The following GCNT1 variants were observed in gnomAD, a reference collection of about 807,000 sequenced individuals.
The protein encoded by GCNT1 is glucosaminyl (N-acetyl) transferase 1, also known as beta-1,3-galactosyl-O-glycosyl-glycoprotein beta-1,6-N-acetylglucosaminyltransferase.
In GCNT1, 16 loss-of-function variants were observed where a neutral mutation model predicts 26.2. The ratio of observed to expected loss-of-function variants is 0.61; its 90% CI spans 0.41 to 0.93. The LOEUF (loss-of-function observed/expected upper bound fraction) is 0.93. Ranked by LOEUF, GCNT1 falls within the 40% of genes least tolerant of loss-of-function variation. GCNT1 has a pLI of 0.00. For missense variants in GCNT1, 477 were observed against 526.7 expected (o/e 0.91, Z 0.92); for synonymous variants, 183 against 190.8 (o/e 0.96, Z 0.34).
At chr9:76,456,884 G>A (rs148373782), upstream of GCNT1, among the ~76,000 whole-genome samples, 403 of 152,306 alleles carry the variant, frequency 2.6e-3, 1 homozygote, top group African/African-American at 9.3e-3. Flanking sequence ...TGAGGTGAGA[G>A]AATCACCTGA....
intron 1 of GCNT1, among the ~76,000 whole-genome samples, chr9:76,451,679 A>G: frequency 6.6e-6 from 1 of 152,206 alleles, no homozygotes; most frequent in East Asian, 1.9e-4. Context: ...GAAAAAGCCC[A>G]ACTCTGCTGA....
chr9:76,394,896 T>G, the GCNT1 span, among the ~76,000 whole-genome samples: 1 of 152,208 alleles, frequency 6.6e-6, no homozygotes, highest in Non-Finnish European at 1.5e-5. Context: ...AGATCGCCTC[T>G]TCACAGAGGC....
At chr9:76,429,404 G>T (rs185286009) in intron 1 of GCNT1, among the ~76,000 whole-genome samples, 96 of 152,272 alleles carry the variant, frequency 6.3e-4, no homozygotes, top group Admixed American at 1.5e-3. Context: ...CAAAGTGGTT[G>T]TATCAATTTA....
chr9:76,463,291 T>C (rs1176884676), intron 2 of GCNT1, among the ~76,000 whole-genome samples: 2 of 152,172 alleles, frequency 1.3e-5, no homozygotes, highest in East Asian at 3.8e-4. Flanking sequence ...AATTAAGAAT[T>C]TGAACATGGT....
chr9:76,444,416 G>C (rs1823539901), intron 1 of GCNT1, among the ~76,000 whole-genome samples: 1 of 152,160 alleles, frequency 6.6e-6, no homozygotes, highest in South Asian at 2.1e-4. Flanking sequence ...GAGGCCTGGG[G>C]GAAGAGGAGG....
chr9:76,410,235 C>A, the GCNT1 span, among the ~76,000 whole-genome samples: 5 of 151,968 alleles, frequency 3.3e-5, no homozygotes, highest in Non-Finnish European at 5.9e-5. Flanking sequence ...AGTTGGAGAC[C>A]AGCCTGACCG....
At chr9:76,393,960 G>C in the GCNT1 span, 2 of 780,740 alleles carry the variant, frequency 2.6e-6, no homozygotes, top group African/African-American at 3.6e-5. Context: ...AAGGGGATGC[G>C]GGAGGAGGAA....
the GCNT1 span, chr9:76,398,899 C>G: frequency 6.5e-7 from 1 of 1,542,856 alleles, no homozygotes; most frequent in East Asian, 2.2e-5. Context: ...CTATTGTTGC[C>G]ATTGAAAACC....
intron 1 of GCNT1, among the ~76,000 whole-genome samples, chr9:76,421,974 C>T (rs1823202667): frequency 6.6e-6 from 1 of 151,870 alleles, no homozygotes; most frequent in African/African-American, 2.4e-5. Flanking sequence ...TTTAATTGAC[C>T]CACAGTTCTG....
intron 2 of GCNT1, among the ~76,000 whole-genome samples, chr9:76,484,625 G>A (rs552292889): frequency 1.3e-4 from 20 of 152,142 alleles, no homozygotes; most frequent in South Asian, 2.1e-4. Context: ...AAACTGCGCC[G>A]TATATAACAC....
chr9:76,428,180 G>A (rs949645468), intron 1 of GCNT1, among the ~76,000 whole-genome samples: 1 of 148,200 alleles, frequency 6.7e-6, no homozygotes, highest in Non-Finnish European at 1.5e-5. Context: ...GCAGGAGAAT[G>A]GCGTGAGCCC....
At chr9:76,432,673 G>A (rs533553367) in intron 1 of GCNT1, among the ~76,000 whole-genome samples, 77 of 152,236 alleles carry the variant, frequency 5.1e-4, no homozygotes, top group African/African-American at 1.7e-3. Flanking sequence ...TACTGATAGC[G>A]GTAGGAGGCA....
intron 2 of GCNT1, among the ~76,000 whole-genome samples, chr9:76,474,620 C>T (rs528715521): frequency 5.9e-5 from 9 of 152,260 alleles, no homozygotes; most frequent in African/African-American, 1.7e-4. Flanking sequence ...TGCAATGTTA[C>T]GTACCAGAAG....
intron 1 of GCNT1, among the ~76,000 whole-genome samples, chr9:76,445,176 T>C (rs1285706514): frequency 6.6e-6 from 1 of 152,080 alleles, no homozygotes; most frequent in African/African-American, 2.4e-5. Flanking sequence ...AAAGTTGAAG[T>C]TGCAGAAGAA....
chr9:76,490,364 C>G (rs11144925), intron 2 of GCNT1, among the ~76,000 whole-genome samples: 34,238 of 151,984 alleles, frequency 0.23, 5,082 homozygotes, highest in East Asian at 0.59. Flanking sequence ...TATGAGAAAT[C>G]CTTTGAGAGT....
At chr9:76,495,678 G>A (rs1217416726) in intron 2 of GCNT1, among the ~76,000 whole-genome samples, 7 of 152,014 alleles carry the variant, frequency 4.6e-5, no homozygotes, top group Non-Finnish European at 1.0e-4. Context: ...TACAATCCTC[G>A]ACCCAGGAAG....
rs148841333 is a variant in GCNT1 at position 76,483,575 on chromosome 9, C to A, written c.-289-17341C>A. On this transcript the variant is annotated intron_variant, in intron 2 of 3. Coordinates refer to ENST00000376730, the MANE Select transcript of GCNT1 (RefSeq NM_001490.5). ...GTCTACAGGCGTGCACCACCACACC[C>A]AGCTAATTTTTAAATTTTTCTTGTT... is the stretch of plus-strand genomic sequence containing the variant. Among the ~76,000 whole-genome samples, 27 of 152,068 alleles carry A rather than the reference C, an allele frequency of 1.8e-4. No homozygotes were observed. The East Asian group carries it at 5.2e-3, about 29-fold the overall frequency.
intron 2 of GCNT1, among the ~76,000 whole-genome samples, chr9:76,500,553 C>A (rs1825036584): frequency 6.6e-6 from 1 of 152,008 alleles, no homozygotes; most frequent in African/African-American, 2.4e-5. Context: ...TCAGGATTGT[C>A]ATTAATTTGC....
At chr9:76,464,333 C>T (rs1214672088) in intron 2 of GCNT1, among the ~76,000 whole-genome samples, 1 of 152,148 alleles carries the variant, frequency 6.6e-6, no homozygotes, top group Non-Finnish European at 1.5e-5. Flanking sequence ...CCTCCCACCT[C>T]AGCCTCCTGA....
Sources: allele counts gnomAD v4.1 joint callset (sites outside exome capture counted in the v4.1 genomes callset), GRCh38; gene constraint gnomAD v4.1.1; transcripts MANE v1.5; gene names NCBI Gene and HGNC (gene_info 2026-07-23, HGNC 2026-07-21).